The following NIPA1 variants were observed in gnomAD, a reference collection of about 807,000 sequenced individuals.
NIPA1 encodes the protein NIPA magnesium transporter 1.
NIPA1 carries 13 observed loss-of-function variants against 23.9 expected under a neutral mutation model. The observed-to-expected ratio is 0.54, with a 90% CI of 0.35 to 0.87. The LOEUF (loss-of-function observed/expected upper bound fraction) is 0.87, where lower values mean the gene tolerates loss of function less well. Ranked by LOEUF, NIPA1 falls within the 40% of genes least tolerant of loss-of-function variation. NIPA1 has a pLI of 0.01. For missense variants in NIPA1, 362 were observed against 429.7 expected (o/e 0.84, Z 1.39); for synonymous variants, 234 against 202.9 (o/e 1.15, Z -1.30).
In NIPA1 at chr15:22,808,831, A is replaced by G. The variant is rs11855007; in HGVS notation, c.179-1918A>G. On this transcript the variant is annotated intron_variant, in intron 1 of 4. Coordinates refer to ENST00000337435, the MANE Select transcript of NIPA1 (RefSeq NM_144599.5). ...ACCACAGGCATGCACCACCACACCC[A>G]GCTAATTTTTAAATTTTTTGTAGAG... 1.7e-3 allele frequency among the ~76,000 whole-genome samples: 261 copies of G among 151,816 alleles called. 1 individual carries two copies. Among genetic ancestry groups the G allele is most frequent in the African/African-American group, 6.0e-3 (250 of 41,396 alleles).
At chr15:22,787,338 T>G (rs1166652076) in intron 1 of NIPA1, among the ~76,000 whole-genome samples, 3 of 152,156 alleles carry the variant, frequency 2.0e-5, no homozygotes, top group Admixed American at 6.5e-5. Flanking sequence ...ACCTGGGATT[T>G]CCAGTCCCCC....
At chr15:22,810,869 G>C in intron 2 of NIPA1, 73 bp downstream of exon 2, 2 of 1,177,048 alleles carry the variant, frequency 1.7e-6, no homozygotes, top group Middle Eastern at 1.9e-4. Flanking sequence ...CAGGGCTGGA[G>C]TGGCTGGGCT....
rs1463064965 is a variant in NIPA1 at position 22,824,543 on chromosome 15, A to G, written c.*304A>G. 3 of 373,858 alleles carry G rather than the reference A, an allele frequency of 8.0e-6. No homozygotes were observed. The highest frequency in any genetic ancestry group is 1.0e-5 in the Non-Finnish European group (2 of 200,336). The allele number at this position is 373,858 out of a possible 1,614,324, so 23.2% of individuals were successfully genotyped here. The stretch of plus-strand genomic sequence containing the variant: ...TTCTCTTCTTTTAAAACATTTTAAC[A>G]TTATTTAAACAGAAAAAGATGGGCT... On this transcript the variant is annotated 3_prime_UTR_variant, in exon 5 of 5. Coordinates refer to ENST00000337435, the MANE Select transcript of NIPA1 (RefSeq NM_144599.5). The surrounding 1 kb of genome is among the most constrained non-coding windows in gnomAD (Gnocchi z 4.1).
intron 4 of NIPA1, among the ~76,000 whole-genome samples, chr15:22,821,458 G>T (rs528249632): frequency 3.4e-5 from 5 of 148,996 alleles, no homozygotes; most frequent in East Asian, 2.0e-4. Context: ...GTCCATACTC[G>T]CTGGTTTGCA....
At chr15:22,809,486 C>T (rs1269929338) in intron 1 of NIPA1, among the ~76,000 whole-genome samples, 2 of 152,064 alleles carry the variant, frequency 1.3e-5, no homozygotes, top group African/African-American at 4.8e-5. Context: ...TGCTGCACAC[C>T]TGTAATCCAG....
chr15:22,810,064 G>A (rs770640297), intron 1 of NIPA1, among the ~76,000 whole-genome samples: 14 of 151,534 alleles, frequency 9.2e-5, no homozygotes, highest in Non-Finnish European at 2.1e-4. Context: ...AAAGTGCTTA[G>A]GAGCATTTTG....
intron 1 of NIPA1, among the ~76,000 whole-genome samples, chr15:22,788,042 G>A (rs756444295): frequency 4.6e-5 from 7 of 152,058 alleles, no homozygotes; most frequent in Non-Finnish European, 1.0e-4. Context: ...CACACACACC[G>A]CAGCCACACT....
At chr15:22,822,195 T>C (rs536722282) in intron 4 of NIPA1, among the ~76,000 whole-genome samples, 1 of 152,344 alleles carries the variant, frequency 6.6e-6, no homozygotes, top group Admixed American at 6.5e-5. Flanking sequence ...GGAAGTGACA[T>C]GTCTGAAGAA....
chr15:22,823,615 G>A (rs1384130833), intron 4 of NIPA1, 113 bp from the exon 5 acceptor site: 4 of 1,044,100 alleles, frequency 3.8e-6, no homozygotes, highest in Non-Finnish European at 4.3e-6. Context: ...CTGTGCCGCA[G>A]TAGAGGCCGG....
intron 1 of NIPA1, among the ~76,000 whole-genome samples, chr15:22,803,702 CAG>C (rs1370474888): frequency 2.0e-5 from 2 of 101,984 alleles, no homozygotes; most frequent in East Asian, 6.0e-4. Flanking sequence ...TTTTTTGAGA[CAG>C]AGTCTTGCTC....
intron 4 of NIPA1, among the ~76,000 whole-genome samples, 173 bp from the exon 5 acceptor site, chr15:22,823,555 A>G (rs1895585814): frequency 6.6e-6 from 1 of 152,184 alleles, no homozygotes; most frequent in Admixed American, 6.5e-5. Context: ...TTGTGGAATG[A>G]AATCAGTGGG....
At chr15:22,795,917 T>C (rs933240834) in intron 1 of NIPA1, among the ~76,000 whole-genome samples, 61 of 152,050 alleles carry the variant, frequency 4.0e-4, no homozygotes, top group Admixed American at 5.2e-4. Context: ...GGAAGATAGA[T>C]AAATCCACCT....
intron 4 of NIPA1, 104 bp downstream of exon 4, chr15:22,820,577 G>A (rs1467734076): frequency 1.3e-5 from 11 of 854,692 alleles, no homozygotes; most frequent in African/African-American, 6.6e-5. Flanking sequence ...CAGAGGAACC[G>A]TGTGTCCACC....
At chr15:22,821,177 G>C in intron 4 of NIPA1, among the ~76,000 whole-genome samples, 1 of 151,934 alleles carries the variant, frequency 6.6e-6, no homozygotes. Context: ...ATGTTAGCCA[G>C]GATGGTCTTG....
chr15:22,800,691 G>T (rs531831824), intron 1 of NIPA1, among the ~76,000 whole-genome samples: 4 of 152,168 alleles, frequency 2.6e-5, no homozygotes, highest in Non-Finnish European at 5.9e-5. Flanking sequence ...CACTTTGGGA[G>T]GCCGAGGTGG....
intron 1 of NIPA1, among the ~76,000 whole-genome samples, chr15:22,801,013 G>A (rs1302815737): frequency 1.3e-5 from 2 of 151,442 alleles, no homozygotes; most frequent in Non-Finnish European, 2.9e-5. Context: ...GGCTGAGGTT[G>A]CAGGGAGCCG....
Position 22,824,001 on chromosome 15 carries a change from C to T in NIPA1, c.752C>T (p.Ala251Val). 3 of 1,614,158 alleles carry T rather than the reference C, an allele frequency of 1.9e-6. No individual in the cohort carries two copies. Among genetic ancestry groups the T allele is most frequent in the Non-Finnish European group, 2.5e-6 (3 of 1,180,012 alleles). ...GTCCAGTTCAGGTACATCAACAAGG[C>T]GCTGGAGTGCTTCGACTCCTCGGTG... is the stretch of plus-strand genomic sequence containing the variant. ...IIVQFRYINK[A>V]LECFDSSVFG... Residue 251 changes from alanine (A) to valine (V), a missense_variant, in exon 5 of 5, where the codon GCG becomes GTG. Ala to Val is a moderately conservative substitution (Grantham distance 64). Transcript: ENST00000337435. This position sits in a 1 kb window ranked among gnomAD's most constrained non-coding sequence, Gnocchi z 4.1.
At chr15:22,794,107 T>C (rs905151946) in intron 1 of NIPA1, among the ~76,000 whole-genome samples, 3 of 152,062 alleles carry the variant, frequency 2.0e-5, no homozygotes, top group African/African-American at 7.2e-5. Flanking sequence ...ATATTGCTGT[T>C]ATATTGACAG....
intron 1 of NIPA1, among the ~76,000 whole-genome samples, chr15:22,794,461 G>C (rs966256000): frequency 2.0e-5 from 3 of 152,198 alleles, no homozygotes; most frequent in South Asian, 2.1e-4. Flanking sequence ...GTACTTCACA[G>C]GACTGAGCTG....
Sources: allele counts gnomAD v4.1 joint callset (sites outside exome capture counted in the v4.1 genomes callset), GRCh38; gene constraint gnomAD v4.1.1; non-coding constraint Gnocchi (gnomAD v3.1); transcripts MANE v1.5; gene names NCBI Gene and HGNC (gene_info 2026-07-23, HGNC 2026-07-21).